Variants in PDZRN4 observed in about 807,000 individuals in gnomAD.
The protein encoded by PDZRN4 is PDZ domain containing ring finger 4.
A neutral mutation model predicts 99.0 loss-of-function variants in PDZRN4; 70 were observed. That is an observed-to-expected ratio of 0.71 (90% CI 0.58 to 0.86). The LOEUF (loss-of-function observed/expected upper bound fraction) is 0.86. Ranked by LOEUF, PDZRN4 falls within the 40% of genes least tolerant of loss-of-function variation. The pLI, the probability that PDZRN4 is intolerant of heterozygous loss-of-function variation, is 0.00. For missense variants in PDZRN4, 1,474 were observed against 1,331.2 expected, an observed-to-expected ratio of 1.11 and a Z score of -1.67; for synonymous variants, 551 against 501.6, an observed-to-expected ratio of 1.10 and a Z score of -1.32.
chr12:41,364,213 G>T (rs1031125463), intron 3 of PDZRN4, among the ~76,000 whole-genome samples: 4 of 151,968 alleles, frequency 2.6e-5, no homozygotes, highest in African/African-American at 7.2e-5. Context: ...TATTTTTTCT[G>T]GGATAATTCT....
chr12:41,571,661 A>G (rs1939483156), intron 9 of PDZRN4, among the ~76,000 whole-genome samples: 1 of 152,160 alleles, frequency 6.6e-6, no homozygotes, highest in Admixed American at 6.5e-5. Context: ...CTGAGGTCAG[A>G]GCACATGTAT....
intron 7 of PDZRN4, 66 bp from the exon 8 acceptor site, chr12:41,563,482 T>G: frequency 9.0e-7 from 1 of 1,117,312 alleles, no homozygotes; most frequent in African/African-American, 1.5e-5. Flanking sequence ...GAGCTGATAT[T>G]TGCCATTTAT....
At position 41,567,793 on chromosome 12, in the gene PDZRN4, G is replaced by A. The variant is rs1273518807; in HGVS notation, c.1478G>A (p.Gly493Asp). The A allele has an allele frequency of 6.2e-7, 1 of 1,609,738 alleles. No homozygotes were observed. Among genetic ancestry groups the A allele is most frequent in the East Asian group, 2.2e-5 (1 of 44,814 alleles). The change falls in exon 9 of 10, where the codon GGC becomes GAC. Residue 493 changes from glycine to aspartate, a missense_variant. By Grantham distance (94) the Gly-to-Asp change is moderately conservative (BLOSUM62 -1). Transcript: ENST00000402685. ...TGTATTCTTTTGCAGCTGGATGAAG[G>A]CTGGCTGGAAGATGAAAGGAATGAA... The part of the protein sequence containing the change: ...VARPEIQLDE[G>D]WLEDERNEFL...
chr12:41,490,157 T>A (rs957450631), intron 3 of PDZRN4, among the ~76,000 whole-genome samples: 7 of 152,296 alleles, frequency 4.6e-5, no homozygotes, highest in African/African-American at 1.7e-4. Flanking sequence ...GGAGTGATAA[T>A]TAACATATAA....
chr12:41,567,888 G>C lies in PDZRN4; in HGVS notation c.1573G>C (p.Glu525Gln). The C allele has an allele frequency of 6.2e-7, 1 of 1,604,090 alleles. No homozygotes were observed. The highest frequency in any genetic ancestry group is 8.5e-7 in the Non-Finnish European group (1 of 1,172,440). Residue 525 changes from glutamate to glutamine, a missense_variant, in exon 9 of 10, where the codon GAG becomes CAG. Physicochemically the swap from Glu to Gln is conservative, Grantham distance 29. Transcript: ENST00000402685. ...HNEAMQPTAN[E>Q]VEQPKKQEEE... is the part of the protein sequence containing the mutation. ...TGAAGCAATGCAGCCCACTGCCAAT[G>C]AGGTGGAGCAGGTAGGGCCAACAAT...
Position 41,509,835 on chromosome 12 carries a change from G to A in PDZRN4, c.1125G>A (p.Glu375=). 1.3e-6 allele frequency: 2 copies of A among 1,592,782 alleles called. No individual in the cohort carries two copies. The highest frequency in any genetic ancestry group is 1.3e-5 in the African/African-American group (1 of 74,536). The part of the protein sequence containing the change: ...SDSCHSLHPM[E]HEFYEDNEYI... ...GCTGCCATTCTCTACATCCAATGGA[G>A]CATGAATTTTATGAGGACAATGAGT... Residue 375 remains glutamate, a synonymous_variant, in exon 5 of 10, where the codon GAG becomes GAA. Transcript: ENST00000402685.
chr12:41,513,201 A>G (rs1264472624), intron 5 of PDZRN4, among the ~76,000 whole-genome samples: 1 of 152,080 alleles, frequency 6.6e-6, no homozygotes, highest in Non-Finnish European at 1.5e-5. Flanking sequence ...GATGGACTGT[A>G]ACAGGTCCCT....
At chr12:41,257,629 A>G (rs984700899) in intron 3 of PDZRN4, among the ~76,000 whole-genome samples, 2 of 152,226 alleles carry the variant, frequency 1.3e-5, no homozygotes, top group African/African-American at 4.8e-5. Context: ...GACACATAGA[A>G]GAAATGGCTA....
chr12:41,257,191 A>G (rs749730185), intron 3 of PDZRN4, among the ~76,000 whole-genome samples: 1 of 152,216 alleles, frequency 6.6e-6, no homozygotes, highest in African/African-American at 2.4e-5. Context: ...TCTTCCTAAG[A>G]TAAGCATAAC....
intron 3 of PDZRN4, among the ~76,000 whole-genome samples, chr12:41,227,291 G>T (rs1380978674): frequency 6.6e-6 from 1 of 152,098 alleles, no homozygotes; most frequent in Non-Finnish European, 1.5e-5. Flanking sequence ...AAAATCCCCA[G>T]TGATTTTGAA....
intron 5 of PDZRN4, among the ~76,000 whole-genome samples, chr12:41,513,560 G>A (rs1444867866): frequency 2.0e-5 from 3 of 152,146 alleles, no homozygotes; most frequent in South Asian, 4.1e-4. Context: ...CCCATCGTAA[G>A]AGTCAGGGTG....
chr12:41,517,649 A>G (rs963836707), intron 5 of PDZRN4, among the ~76,000 whole-genome samples: 1 of 152,118 alleles, frequency 6.6e-6, no homozygotes, highest in Non-Finnish European at 1.5e-5. Flanking sequence ...GCTCCACAGA[A>G]CAACCAGTGT....
At chr12:41,555,814 T>C in intron 7 of PDZRN4, 54 bp downstream of exon 7, 1 of 1,346,482 alleles carries the variant, frequency 7.4e-7, no homozygotes, top group Non-Finnish European at 1.1e-6. Context: ...AAAGTTACTA[T>C]TTTACTTTGT....
At chr12:41,535,435 T>A (rs1202350332) in intron 5 of PDZRN4, among the ~76,000 whole-genome samples, 5 of 152,236 alleles carry the variant, frequency 3.3e-5, no homozygotes, top group Admixed American at 3.3e-4. Flanking sequence ...TTAGTGTGAA[T>A]TTGAACTGCA....
chr12:41,271,765 T>G (rs1951315698), intron 3 of PDZRN4, among the ~76,000 whole-genome samples: 1 of 152,114 alleles, frequency 6.6e-6, no homozygotes, highest in Non-Finnish European at 1.5e-5. Flanking sequence ...GAAAGAATTA[T>G]TAGAAATGCA....
intron 3 of PDZRN4, among the ~76,000 whole-genome samples, chr12:41,367,291 C>T (rs867161810): frequency 6.6e-6 from 1 of 152,040 alleles, no homozygotes; most frequent in South Asian, 2.1e-4. Context: ...GGGTGGATCA[C>T]ATAAGGTCAG....
At chr12:41,548,826 A>G (rs1939004023) in intron 5 of PDZRN4, among the ~76,000 whole-genome samples, 1 of 152,162 alleles carries the variant, frequency 6.6e-6, no homozygotes, top group African/African-American at 2.4e-5. Flanking sequence ...CTGGAGTACA[A>G]CCAATGTATG....
At chr12:41,416,381 A>G (rs929279474) in intron 3 of PDZRN4, among the ~76,000 whole-genome samples, 6 of 152,176 alleles carry the variant, frequency 3.9e-5, no homozygotes, top group African/African-American at 1.2e-4. Context: ...ACAGTGGCTC[A>G]CACCTGTAAT....
chr12:41,453,200 G>A (rs1174496087), intron 3 of PDZRN4, among the ~76,000 whole-genome samples: 1 of 152,038 alleles, frequency 6.6e-6, no homozygotes, highest in Non-Finnish European at 1.5e-5. Flanking sequence ...CATGCCCCCC[G>A]CCCCTGGGGG....
Sources: gnomAD v4.1 joint callset for allele counts (sites outside exome capture counted in the v4.1 genomes callset) on GRCh38, gnomAD v4.1.1 for gene constraint, MANE v1.5 for transcripts, NCBI Gene and HGNC (gene_info 2026-07-23, HGNC 2026-07-21) for gene names.